LMCD1: variants seen among roughly 807,000 people sequenced by gnomAD.
LMCD1 encodes the protein LIM and cysteine rich domains 1.
LMCD1 carries 32 observed loss-of-function variants against 42.7 expected under a neutral mutation model. The observed-to-expected ratio is 0.75, with a 90% confidence interval of 0.57 to 1.01. LMCD1 has a LOEUF of 1.01. Ranked by LOEUF, LMCD1 falls within the 50% of genes least tolerant of loss-of-function variation. LMCD1 has a pLI of 0.00. For missense variants in LMCD1, 458 were observed against 483.1 expected, an observed-to-expected ratio of 0.95 and a Z score of 0.49; for synonymous variants, 178 against 184.9, an observed-to-expected ratio of 0.96 and a Z score of 0.30.
chr3:8,559,583 G>A (rs1243388295), intron 4 of LMCD1, among the ~76,000 whole-genome samples: 2 of 152,168 alleles, frequency 1.3e-5, no homozygotes, highest in African/African-American at 2.4e-5. Flanking sequence ...TTTAGAAATT[G>A]CAAACCTCGC....
At chr3:8,524,924 A>G (rs572330659) in intron 1 of LMCD1, among the ~76,000 whole-genome samples, 23 of 152,234 alleles carry the variant, frequency 1.5e-4, no homozygotes, top group Non-Finnish European at 3.1e-4. Context: ...GGCTCAAGCA[A>G]GTCACCCTCC....
At chr3:8,511,969 A>G (rs1480065305) in intron 1 of LMCD1, among the ~76,000 whole-genome samples, 2 of 152,222 alleles carry the variant, frequency 1.3e-5, no homozygotes, top group Non-Finnish European at 2.9e-5. Context: ...GACAGCAGGA[A>G]AAAAAGGTAG....
chr3:8,556,570 C>T (rs1479771115), intron 4 of LMCD1, among the ~76,000 whole-genome samples: 1 of 152,190 alleles, frequency 6.6e-6, no homozygotes, highest in African/African-American at 2.4e-5. Flanking sequence ...TGCCTCACTC[C>T]AAACCTGACA....
intron 1 of LMCD1, among the ~76,000 whole-genome samples, chr3:8,528,040 G>A (rs1694332331): frequency 6.6e-6 from 1 of 152,132 alleles, no homozygotes; most frequent in African/African-American, 2.4e-5. Flanking sequence ...GTCTCTATTG[G>A]ACCAAGATCT....
chr3:8,565,464 T>TGACA lies in LMCD1; in HGVS notation c.758_761dup (p.Ser254ArgfsTer61). On this transcript the variant is annotated frameshift_variant, in exon 5 of 6. Coordinates refer to ENST00000157600, the MANE Select transcript of LMCD1 (RefSeq NM_014583.4). LOFTEE classifies it high-confidence loss of function. ...AGCTCTGCAAGGGAGCGGCCCCTCCTGACAGCCCCGTGGTCTACTCGGACA... is the reference window on the plus strand; with the variant it reads ...AGCTCTGCAAGGGAGCGGCCCCTCCTGACAGACAGCCCCGTGGTCTACTCGGACA... 6.2e-7 allele frequency: 1 copy of TGACA among 1,614,180 alleles called. No individual in the cohort carries two copies. The highest frequency in any genetic ancestry group is 8.5e-7 in the Non-Finnish European group (1 of 1,180,032).
Position 8,565,535 on chromosome 3 carries a change from C to A in LMCD1, c.827C>A (p.Ala276Asp). The change falls in exon 5 of 6, where the codon GCC (alanine) becomes GAC (aspartate). Residue 276 changes from alanine (A) to aspartate (D), a missense_variant. Ala to Asp is a moderately radical substitution (Grantham distance 126, BLOSUM62 -2). Coordinates refer to ENST00000157600, the MANE Select transcript of LMCD1 (RefSeq NM_014583.4). Reference sequence around the variant, plus strand: ...TGGCACCCCACCTGCTTTGTGTGTGCCAAGTGCTCCGAGCCGCTGGTGGAC... The same window carrying A: ...TGGCACCCCACCTGCTTTGTGTGTGACAAGTGCTCCGAGCCGCTGGTGGAC... ...KQWHPTCFVC[A>D]KCSEPLVDLI... The A allele has an allele frequency of 1.2e-6, 2 of 1,614,190 alleles. No homozygotes were observed. Among genetic ancestry groups the A allele is most frequent in the South Asian group, 2.2e-5 (2 of 91,080 alleles).
In LMCD1 at chr3:8,529,727, G is replaced by C. The variant is rs147630252; in HGVS notation, c.43-3010G>C. On this transcript the variant is annotated intron_variant, in intron 1 of 5. Coordinates refer to ENST00000157600, the MANE Select transcript of LMCD1 (RefSeq NM_014583.4). ...AGTAGAGAATAAGAAAGTATAGGGG[G>C]TGTGTATTTAGAAAAAATAGTTCCT... 7.0e-3 allele frequency among the ~76,000 whole-genome samples: 1,066 copies of C among 152,248 alleles called. 14 individuals carry two copies. Among genetic ancestry groups the C allele is most frequent in the South Asian group, 0.022 (108 of 4,824 alleles).
At position 8,501,828 on chromosome 3, in the gene LMCD1, G is replaced by T. The variant is rs1433422798; in HGVS notation, c.-111G>T. On this transcript the variant is annotated 5_prime_UTR_variant, in exon 1 of 6. Coordinates refer to ENST00000157600, the MANE Select transcript of LMCD1 (RefSeq NM_014583.4). ...GCCCAGCTGCGCCTGGCTGCGCACA[G>T]AGCTCCCTCCCAGGCCCGCGAACTT... 3.3e-6 allele frequency: 3 copies of T among 903,788 alleles called. No homozygotes were observed. The highest frequency in any genetic ancestry group is 5.1e-6 in the Non-Finnish European group (3 of 589,142). The allele number at this position is 903,788 out of a possible 1,614,324, so 56.0% of individuals were successfully genotyped here.
chr3:8,512,939 G>A (rs552176004), intron 1 of LMCD1, among the ~76,000 whole-genome samples: 1 of 152,118 alleles, frequency 6.6e-6, no homozygotes, highest in Non-Finnish European at 1.5e-5. Context: ...TTCAAGTTCA[G>A]AAAGACTTTT....
chr3:8,532,913 T>C lies in LMCD1; in HGVS notation c.131+88T>C, dbSNP rs561318627. ...CCCTGGTTGCTTTCTTCGCTGAGAC[T>C]GCTTTGGTTGTATGCGTTGTCAGGG... On this transcript the variant is annotated intron_variant, in intron 2 of 5. Coordinates refer to ENST00000157600, the MANE Select transcript of LMCD1 (RefSeq NM_014583.4). 1.7e-4 allele frequency: 178 copies of C among 1,063,712 alleles called. 1 individual carries two copies. The highest frequency in any genetic ancestry group is 6.7e-4 in the Admixed American group (38 of 57,112). The allele number at this position is 1,063,712 out of a possible 1,614,324, so 65.9% of individuals were successfully genotyped here.
At chr3:8,526,138 T>C (rs1305291296) in intron 1 of LMCD1, among the ~76,000 whole-genome samples, 3 of 152,158 alleles carry the variant, frequency 2.0e-5, no homozygotes, top group African/African-American at 7.2e-5. Flanking sequence ...AGCACTCCCC[T>C]CCTCACACAC....
At chr3:8,523,585 G>A (rs975825671) in intron 1 of LMCD1, among the ~76,000 whole-genome samples, 1 of 152,262 alleles carries the variant, frequency 6.6e-6, no homozygotes, top group African/African-American at 2.4e-5. Context: ...ACAGCCTGAA[G>A]CCCTAGCGTG....
intron 3 of LMCD1, among the ~76,000 whole-genome samples, chr3:8,540,270 A>G (rs1348889447): frequency 6.6e-6 from 1 of 152,230 alleles, no homozygotes; most frequent in Non-Finnish European, 1.5e-5. Context: ...AACCAGAATG[A>G]AAGTCTGAGC....
At chr3:8,502,991 A>G (rs989848061) in intron 1 of LMCD1, among the ~76,000 whole-genome samples, 6 of 152,172 alleles carry the variant, frequency 3.9e-5, no homozygotes, top group Non-Finnish European at 8.8e-5. Context: ...TTTTAACTGC[A>G]CATGATTCAC....
At chr3:8,507,690 G>C (rs147046252) in intron 1 of LMCD1, among the ~76,000 whole-genome samples, 28 of 152,196 alleles carry the variant, frequency 1.8e-4, no homozygotes, top group African/African-American at 6.7e-4. Flanking sequence ...CAAAAATATT[G>C]GTGTCCTTTT....
chr3:8,525,737 A>G (rs1694286981), intron 1 of LMCD1, among the ~76,000 whole-genome samples: 1 of 152,342 alleles, frequency 6.6e-6, no homozygotes, highest in African/African-American at 2.4e-5. Flanking sequence ...CTGAGAGCCT[A>G]AAAGTCCAAG....
intron 4 of LMCD1, among the ~76,000 whole-genome samples, chr3:8,549,464 A>G (rs930288763): frequency 2.0e-5 from 3 of 152,132 alleles, no homozygotes; most frequent in African/African-American, 7.2e-5. Context: ...CATCAGTCAA[A>G]TACTGATTAG....
intron 2 of LMCD1, among the ~76,000 whole-genome samples, chr3:8,536,690 A>C (rs1300813647): frequency 6.6e-5 from 10 of 152,218 alleles, no homozygotes; most frequent in Admixed American, 6.5e-4. Context: ...GCCAGAAAGT[A>C]CATATTTTAG....
rs934185338 is a variant in LMCD1, at chr3:8,555,707, T to C, written c.723+6804T>C. Among the ~76,000 whole-genome samples, 5 of 147,954 alleles carry C rather than the reference T, an allele frequency of 3.4e-5. No homozygotes were observed. In the East Asian group the frequency reaches 9.8e-4, roughly 29 times the overall value. ...TACTTTTCCATGTTGCCACATGGCCTTCAACGAGCTTTTTTTTTTTTTTTT... is the reference window on the plus strand; with the variant it reads ...TACTTTTCCATGTTGCCACATGGCCCTCAACGAGCTTTTTTTTTTTTTTTT... On this transcript the variant is annotated intron_variant, in intron 4 of 5. Coordinates refer to ENST00000157600, the MANE Select transcript of LMCD1 (RefSeq NM_014583.4).
Sources: gnomAD v4.1 joint callset for allele counts (sites outside exome capture counted in the v4.1 genomes callset) on GRCh38, gnomAD v4.1.1 for gene constraint, MANE v1.5 for transcripts, NCBI Gene and HGNC (gene_info 2026-07-23, HGNC 2026-07-21) for gene names.